TBL1X: variants seen among roughly 807,000 people sequenced by gnomAD.
TBL1X encodes the protein F-box-like/WD repeat-containing protein TBL1X.
Under a neutral mutation model 50.7 loss-of-function variants are expected in TBL1X, and 10 were observed. The ratio of observed to expected loss-of-function variants is 0.20; its 90% CI spans 0.12 to 0.33. TBL1X has a LOEUF of 0.33. Among genes scored for constraint, TBL1X ranks in the 10% least tolerant of loss-of-function variants. The pLI, the probability that TBL1X is intolerant of heterozygous loss-of-function variation, is 1.00. For missense variants in TBL1X, 340 were observed against 504.4 expected (o/e 0.67, Z 3.12); for synonymous variants, 190 against 214.7 (o/e 0.88, Z 1.01).
At chrX:9,677,653 TGATAAG>T (rs1159708745) in intron 5 of TBL1X, among the ~76,000 whole-genome samples, 1 of 111,371 alleles carries the variant, frequency 9.0e-6, no homozygotes, top group Non-Finnish European at 1.9e-5. Flanking sequence ...TCCCTGTGTG[TGATAAG>T]GTTTCTTGTT....
At chrX:9,683,396 A>G (rs1191091704) in intron 5 of TBL1X, among the ~76,000 whole-genome samples, 1 of 112,184 alleles carries the variant, frequency 8.9e-6, no homozygotes, top group East Asian at 2.8e-4. Context: ...GCAGTGAAAG[A>G]GATGCACTGG....
At chrX:9,526,132 A>G (rs1432464309) in intron 2 of TBL1X, among the ~76,000 whole-genome samples, 1 of 93,348 alleles carries the variant, frequency 1.1e-5, no homozygotes, top group Non-Finnish European at 2.1e-5. Flanking sequence ...TGTGTGAGAG[A>G]GAGGAGAGAC....
chrX:9,517,294 G>T (rs2082085218), intron 2 of TBL1X, among the ~76,000 whole-genome samples: 1 of 111,080 alleles, frequency 9.0e-6, no homozygotes. Context: ...TTTGAACTGT[G>T]GATTCCTTCC....
chrX:9,572,381 G>A (rs1333880108), intron 2 of TBL1X, among the ~76,000 whole-genome samples: 1 of 112,817 alleles, frequency 8.9e-6, no homozygotes, highest in Non-Finnish European at 1.9e-5. Context: ...CCATGTCCCT[G>A]AATTTGCTTT....
At chrX:9,596,690 C>T (rs759080076) in intron 2 of TBL1X, among the ~76,000 whole-genome samples, 2 of 111,331 alleles carry the variant, frequency 1.8e-5, no homozygotes, top group South Asian at 7.7e-4. Flanking sequence ...AGTTGAAAAC[C>T]ACTGCCCTAA....
chrX:9,591,157 C>T (rs1314927824), intron 2 of TBL1X, among the ~76,000 whole-genome samples: 1 of 111,103 alleles, frequency 9.0e-6, no homozygotes, highest in Non-Finnish European at 1.9e-5. Context: ...GCAAAACTTC[C>T]AAGTTTGAAG....
At chrX:9,688,906 T>G (rs1046607523) in intron 7 of TBL1X, among the ~76,000 whole-genome samples, 2 of 113,829 alleles carry the variant, frequency 1.8e-5, no homozygotes, top group African/African-American at 6.4e-5. Context: ...CGCATGCACT[T>G]GCATGCACAG....
chrX:9,576,127 C>T (rs759224387), intron 2 of TBL1X, among the ~76,000 whole-genome samples: 1 of 112,253 alleles, frequency 8.9e-6, no homozygotes, highest in East Asian at 2.8e-4. Context: ...ATTCCCCCCC[C>T]TCCTCCCAAA....
chrX:9,465,953 G>T, intron 1 of TBL1X, among the ~76,000 whole-genome samples: 1 of 113,073 alleles, frequency 8.8e-6, no homozygotes, highest in African/African-American at 3.2e-5. Flanking sequence ...TGGAAGCGCA[G>T]CCTCGCGGAG....
rs771680371 is a variant in TBL1X, at chrX:9,552,476, G to A, written c.-131+50627G>A. 4.5e-5 allele frequency among the ~76,000 whole-genome samples: 5 copies of A among 111,935 alleles called. No homozygotes were observed. In the East Asian group the frequency reaches 1.4e-3, roughly 32 times the overall value. On this transcript the variant is annotated intron_variant, in intron 2 of 17. Transcript: ENST00000645353. ...TTTGTATCACTCCGACTTAAACCAC[G>A]ACACTTCCAAGGCAGAGTCTAAAGC...
intron 2 of TBL1X, among the ~76,000 whole-genome samples, chrX:9,589,456 C>T (rs2082487962): frequency 9.1e-6 from 1 of 109,825 alleles, no homozygotes; most frequent in Admixed American, 9.6e-5. Context: ...ACACAAAACC[C>T]GGTCTTGATT....
chrX:9,685,205 T>C (rs1365060910), intron 6 of TBL1X, among the ~76,000 whole-genome samples: 1 of 112,299 alleles, frequency 8.9e-6, no homozygotes, highest in African/African-American at 3.2e-5. Context: ...TCCCCTCCTA[T>C]TCTGGTCTCA....
At chrX:9,509,089 TTTG>T (rs1418802467) in intron 2 of TBL1X, among the ~76,000 whole-genome samples, 1 of 109,284 alleles carries the variant, frequency 9.2e-6, no homozygotes, top group Non-Finnish European at 1.9e-5. Context: ...TTGTTTTTTT[TTTG>T]TTTTTTTAGA....
At chrX:9,600,694 A>G (rs976681599) in intron 2 of TBL1X, among the ~76,000 whole-genome samples, 14 of 111,423 alleles carry the variant, frequency 1.3e-4, no homozygotes, top group Admixed American at 2.9e-4. Flanking sequence ...AAGCTTTTTC[A>G]TATGATGTTA....
intron 1 of TBL1X, among the ~76,000 whole-genome samples, chrX:9,489,890 C>T (rs2081931975): frequency 9.0e-6 from 1 of 111,718 alleles, no homozygotes; most frequent in Non-Finnish European, 1.9e-5. Flanking sequence ...GTGGAAGAGA[C>T]TGTGGATACA....
At chrX:9,700,573 GTCAA>G (rs1248938142) in intron 12 of TBL1X, among the ~76,000 whole-genome samples, 1 of 111,589 alleles carries the variant, frequency 9.0e-6, no homozygotes, top group Non-Finnish European at 1.9e-5. Flanking sequence ...TCTTTTTGGT[GTCAA>G]TCAGTGTGTT....
At chrX:9,553,052 AG>A (rs1448612686) in intron 2 of TBL1X, among the ~76,000 whole-genome samples, 1 of 111,474 alleles carries the variant, frequency 9.0e-6, no homozygotes, top group Admixed American at 9.4e-5. Flanking sequence ...CTGAGGTGGG[AG>A]GATTACTGAA....
intron 13 of TBL1X, among the ~76,000 whole-genome samples, chrX:9,705,532 A>G (rs2083201399): frequency 9.0e-6 from 1 of 110,761 alleles, no homozygotes; most frequent in African/African-American, 3.3e-5. Flanking sequence ...AGGCCAGAGG[A>G]TTGCTTGAGG....
At chrX:9,486,133 A>G (rs1423248537) in intron 1 of TBL1X, among the ~76,000 whole-genome samples, 1 of 110,886 alleles carries the variant, frequency 9.0e-6, no homozygotes, top group African/African-American at 3.3e-5. Context: ...AACAGTTACA[A>G]TCTATTTTCT....
Sources: allele counts gnomAD v4.1 joint callset (sites outside exome capture counted in the v4.1 genomes callset), GRCh38; gene constraint gnomAD v4.1.1; transcripts MANE v1.5; gene names NCBI Gene and HGNC (gene_info 2026-07-23, HGNC 2026-07-21).